Variants in CLIP4 observed in about 807,000 individuals in gnomAD.
The protein encoded by CLIP4 is CAP-Gly domain containing linker protein family member 4.
Under a neutral mutation model 73.1 loss-of-function variants are expected in CLIP4, and 47 were observed. That is an observed-to-expected ratio of 0.64 (90% CI 0.51 to 0.82). The LOEUF (loss-of-function observed/expected upper bound fraction) is 0.82, where lower values mean the gene tolerates loss of function less well. Ranked by LOEUF, CLIP4 falls within the 40% of genes least tolerant of loss-of-function variation. CLIP4 has a pLI of 0.00. For synonymous variants in CLIP4, 306 were observed against 295.4 expected (o/e 1.04, Z -0.37); for missense variants, 874 against 852.9 (o/e 1.02, Z -0.31).
In CLIP4 at chr2:29,181,554, C is replaced by T; in HGVS notation, c.1797-18C>T. On this transcript the variant is annotated intron_variant, in intron 15 of 15. Transcript: ENST00000320081. ...CTTCAGCACTAAATAATTTTTCCCA[C>T]TTTTCCCTTCCGCACAGATCGAAAG... 1 of 1,534,066 alleles carries T rather than the reference C, an allele frequency of 6.5e-7. No individual in the cohort carries two copies. The highest frequency in any genetic ancestry group is 1.3e-5 in the South Asian group (1 of 79,412).
rs554343459 is a variant in CLIP4, at chr2:29,181,524, C to T, written c.1797-48C>T. 8.7e-5 allele frequency: 126 copies of T among 1,445,526 alleles called. No individual in the cohort carries two copies. The African/African-American group carries it at 1.0e-3, about 12-fold the overall frequency. The allele number at this position is 1,445,526 out of a possible 1,614,324, so 89.5% of individuals were successfully genotyped here. On this transcript the variant is annotated intron_variant, in intron 15 of 15. Coordinates refer to ENST00000320081, the MANE Select transcript of CLIP4 (RefSeq NM_024692.6). The stretch of plus-strand genomic sequence containing the variant: ...GAAATGAATATGATGCATTGCATTA[C>T]GTGGCTTCAGCACTAAATAATTTTT...
chr2:29,131,135 T>C, intron 2 of CLIP4, 123 bp from the exon 3 acceptor site: 1 of 969,888 alleles, frequency 1.0e-6, no homozygotes, highest in Admixed American at 3.1e-5. Context: ...TTTAGATACT[T>C]CTGATTTTTT....
intron 8 of CLIP4, among the ~76,000 whole-genome samples, chr2:29,145,945 G>C (rs3100231): frequency 0.42 from 63,552 of 152,190 alleles, 15,023 homozygotes; most frequent in Non-Finnish European, 0.55. Flanking sequence ...GCCTCCCAAA[G>C]TGCAGGGATT....
At chr2:29,105,807 T>G (rs920880938) in intron 1 of CLIP4, among the ~76,000 whole-genome samples, 14 of 152,232 alleles carry the variant, frequency 9.2e-5, no homozygotes, top group Non-Finnish European at 1.8e-4. Flanking sequence ...AAAATGGCTG[T>G]CTGTGAACCA....
At chr2:29,133,598 A>G (rs894679577) in intron 4 of CLIP4, 57 bp from the exon 5 acceptor site, 3 of 1,523,430 alleles carry the variant, frequency 2.0e-6, no homozygotes, top group Admixed American at 2.0e-5. Flanking sequence ...ATTGGTAGCC[A>G]TCCATTGGAA....
At chr2:29,137,037 A>G (rs1478591882) in intron 6 of CLIP4, among the ~76,000 whole-genome samples, 1 of 151,092 alleles carries the variant, frequency 6.6e-6, no homozygotes, top group Admixed American at 6.6e-5. Flanking sequence ...TTTAATTTTT[A>G]TTTTAAATAT....
intron 4 of CLIP4, among the ~76,000 whole-genome samples, chr2:29,133,187 A>G (rs1665101898): frequency 6.6e-6 from 1 of 152,180 alleles, no homozygotes; most frequent in Admixed American, 6.6e-5. Flanking sequence ...GACTGTCTTT[A>G]AAAAAGAGGA....
At chr2:29,158,445 G>C (rs1473056290) in intron 11 of CLIP4, among the ~76,000 whole-genome samples, 3 of 151,978 alleles carry the variant, frequency 2.0e-5, no homozygotes, top group African/African-American at 7.3e-5. Context: ...ATAAATTTGA[G>C]GGTTATGTCG....
In CLIP4 at chr2:29,176,041, G is replaced by A. The variant is rs1473228565; in HGVS notation, c.1796+1596G>A. Among the ~76,000 whole-genome samples, 11 of 152,198 alleles carry A rather than the reference G, an allele frequency of 7.2e-5. 1 individual carries two copies. In the South Asian group the frequency reaches 1.0e-3, roughly 14 times the overall value. ...CTCCCAAAGTGTTGGGATTACAGGCGTGAGCCACCGCACCCGGCTGAGAAT... is the reference window on the plus strand; with the variant it reads ...CTCCCAAAGTGTTGGGATTACAGGCATGAGCCACCGCACCCGGCTGAGAAT... On this transcript the variant is annotated intron_variant, in intron 15 of 15. Coordinates refer to ENST00000320081, the MANE Select transcript of CLIP4 (RefSeq NM_024692.6).
At chr2:29,147,245 G>T (rs963053894) in intron 8 of CLIP4, among the ~76,000 whole-genome samples, 1 of 151,966 alleles carries the variant, frequency 6.6e-6, no homozygotes, top group Admixed American at 6.6e-5. Context: ...TGTAGTATAG[G>T]TATTTTTTAT....
chr2:29,152,962 T>A, intron 9 of CLIP4, 134 bp downstream of exon 9: 1 of 978,112 alleles, frequency 1.0e-6, no homozygotes, highest in Non-Finnish European at 1.5e-6. Context: ...CTGCATCTTA[T>A]GTGTTTTTAA....
chr2:29,151,389 A>G (rs796493094), intron 8 of CLIP4, among the ~76,000 whole-genome samples: 46 of 152,222 alleles, frequency 3.0e-4, no homozygotes, highest in African/African-American at 9.1e-4. Context: ...AATCATCATC[A>G]TCGTCGTCAT....
chr2:29,148,095 C>T (rs1380624268), intron 8 of CLIP4, among the ~76,000 whole-genome samples: 4 of 152,106 alleles, frequency 2.6e-5, no homozygotes, highest in Non-Finnish European at 4.4e-5. Context: ...TGGATACCCC[C>T]GTCCCCTTGT....
At position 29,117,938 on chromosome 2, in the gene CLIP4, T is replaced by G. The variant is rs1177700957; in HGVS notation, c.-16+2273T>G. Among the ~76,000 whole-genome samples, 3 of 152,236 alleles carry G rather than the reference T, an allele frequency of 2.0e-5. 1 individual carries two copies. The highest frequency in any genetic ancestry group is 4.4e-5 in the Non-Finnish European group (3 of 68,048). On this transcript the variant is annotated intron_variant, in intron 1 of 15. Coordinates refer to ENST00000320081, the MANE Select transcript of CLIP4 (RefSeq NM_024692.6). ...ATAAATAGCTTTTTCAGGGCAGGTA[T>G]TTCAATTTTTAATTCTCTCTAAGGC...
chr2:29,101,832 G>C (rs909009011), intron 1 of CLIP4, among the ~76,000 whole-genome samples: 37 of 152,194 alleles, frequency 2.4e-4, no homozygotes, highest in African/African-American at 8.4e-4. Context: ...TCTCAAGCCA[G>C]ATACTCTGCA....
intron 6 of CLIP4, among the ~76,000 whole-genome samples, chr2:29,142,443 G>T (rs115497678): frequency 0.012 from 1,799 of 152,064 alleles, 36 homozygotes; most frequent in African/African-American, 0.042. Context: ...TTACAACTTA[G>T]CCTGGGTGTA....
chr2:29,138,507 C>T (rs1384410347), intron 6 of CLIP4, among the ~76,000 whole-genome samples: 1 of 150,636 alleles, frequency 6.6e-6, no homozygotes, highest in Non-Finnish European at 1.5e-5. Flanking sequence ...TTTTTGGCTC[C>T]ATATGAATTT....
chr2:29,172,907 G>A (rs144776266), intron 14 of CLIP4, among the ~76,000 whole-genome samples: 1 of 151,818 alleles, frequency 6.6e-6, no homozygotes, highest in Non-Finnish European at 1.5e-5. Context: ...CTGCTTGCAA[G>A]TTACCATTGC....
In CLIP4 at chr2:29,127,103, T is replaced by C. The variant is rs1664657700; in HGVS notation, c.134-4155T>C. 3.3e-5 allele frequency among the ~76,000 whole-genome samples: 5 copies of C among 152,168 alleles called. No homozygotes were observed. In the South Asian group the frequency reaches 1.0e-3, roughly 32 times the overall value. ...CTCATTAAGCTGGCCTGATTATATA[T>C]GTAAGTGCAGCAAGAATAGTGAATA... On this transcript the variant is annotated intron_variant, in intron 2 of 15. Transcript: ENST00000320081.
Sources: allele counts gnomAD v4.1 joint callset (sites outside exome capture counted in the v4.1 genomes callset), GRCh38; gene constraint gnomAD v4.1.1; transcripts MANE v1.5; gene names NCBI Gene and HGNC (gene_info 2026-07-23, HGNC 2026-07-21).